ITPR3: variants seen among roughly 807,000 people sequenced by gnomAD.
ITPR3 encodes the protein inositol 1,4,5-trisphosphate-gated calcium channel ITPR3.
ITPR3 carries 173 observed loss-of-function variants against 293.2 expected under a neutral mutation model. The observed-to-expected ratio is 0.59, with a 90% CI of 0.52 to 0.67. The LOEUF (loss-of-function observed/expected upper bound fraction) is 0.67. Among genes scored for constraint, ITPR3 ranks in the 30% least tolerant of loss-of-function variants. The probability of loss-of-function intolerance (pLI) is 0.00; values close to 1 mark genes in which losing one functional copy is unlikely to be tolerated. For synonymous variants in ITPR3, 1,295 were observed against 1,444.4 expected (o/e 0.90, Z 2.35); for missense variants, 2,796 against 3,592.1 (o/e 0.78, Z 5.66).
chr6:33,695,116 C>G (rs758949066), intron 57 of ITPR3, 31 bp downstream of exon 57: 2 of 1,610,240 alleles, frequency 1.2e-6, no homozygotes, highest in Non-Finnish European at 1.7e-6. Flanking sequence ...CAGGCCCACC[C>G]TGGGTTCTAT....
rs559124554 is a variant in ITPR3, at chr6:33,642,346, G to A, written c.160+1792G>A. On this transcript the variant is annotated intron_variant, in intron 2 of 57. Transcript: ENST00000605930. Reference sequence around the variant, plus strand: ...TGGGAGGGCGTTGAGGCTGCAGATGGAGGCTAGATTGCCATCTAGTAGGAG... The same window carrying A: ...TGGGAGGGCGTTGAGGCTGCAGATGAAGGCTAGATTGCCATCTAGTAGGAG... Among the ~76,000 whole-genome samples, 613 of 152,282 alleles carry A rather than the reference G, an allele frequency of 4.0e-3. 2 individuals are homozygous for A. The highest frequency in any genetic ancestry group is 0.017 in the Middle Eastern group (5 of 294).
intron 28 of ITPR3, 91 bp downstream of exon 28, chr6:33,677,720 T>A: frequency 6.7e-7 from 1 of 1,483,348 alleles, no homozygotes; most frequent in Non-Finnish European, 9.1e-7. Context: ...GCAGGCAACC[T>A]CTCCCAGCCT....
rs1337795533 is a variant in ITPR3, at chr6:33,670,583, G to A, written c.2441+7G>A. The A allele has an allele frequency of 3.7e-6, 6 of 1,612,848 alleles. No individual in the cohort carries two copies. Among genetic ancestry groups the A allele is most frequent in the East Asian group, 2.2e-5 (1 of 44,854 alleles). On this transcript the variant is annotated splice_region_variant and intron_variant, in intron 19 of 57. Coordinates refer to ENST00000605930, the MANE Select transcript of ITPR3 (RefSeq NM_002224.4). The surrounding 1 kb of genome is among the most constrained non-coding windows in gnomAD (Gnocchi z 6.7). ...CAGCCATCACCATCAAGGAGTGAGA[G>A]GGGTGGAGGCAGGGTGGGCGGGGCA... is the stretch of plus-strand genomic sequence containing the variant.
rs576730602 is a variant in ITPR3 at position 33,670,888 on chromosome 6, C to T, written c.2586+73C>T. 6.4e-7 allele frequency: 1 copy of T among 1,553,036 alleles called. No individual in the cohort carries two copies. The highest frequency in any genetic ancestry group is 1.8e-5 in the Admixed American group (1 of 56,904). On this transcript the variant is annotated intron_variant, in intron 20 of 57. Transcript: ENST00000605930. The surrounding 1 kb of genome is among the most constrained non-coding windows in gnomAD (Gnocchi z 6.7). ...GGCCCCACACTGGCCTCGGTCTTCA[C>T]CCAGGAGTCGGCTGTGGGATCCATG... is the stretch of plus-strand genomic sequence containing the variant.
Position 33,673,731 on chromosome 6 carries a change from G to A in ITPR3, c.3058+11G>A, listed in dbSNP as rs778603456. The A allele has an allele frequency of 5.6e-6, 9 of 1,613,792 alleles. No individual in the cohort carries two copies. The highest frequency in any genetic ancestry group is 7.6e-6 in the Non-Finnish European group (9 of 1,179,826). On this transcript the variant is annotated intron_variant, in intron 23 of 57. Transcript: ENST00000605930. ...CCTTCGACTCTACCAGTAAGCCCCT[G>A]CCCTGCCTTCAGGCTGAGGCTGTGC...
At position 33,684,078 on chromosome 6, in the gene ITPR3, T is replaced by C. The variant is rs1445282350; in HGVS notation, c.4847T>C (p.Val1616Ala). ...CCCCTGGTACAGGCTGAGCTGTCCG[T>C]GCTGGTGGATGTCCTGCACTGGCCT... ...LKPLVQAELS[V>A]LVDVLHWPEL... is the part of the protein sequence containing the mutation. The change falls in exon 36 of 58, where the codon GTG (valine) becomes GCG (alanine). Residue 1616 changes from valine (V) to alanine (A), a missense_variant. Around this residue, in one of 8 missense-constraint regions of ITPR3, gnomAD observed 704 missense variants for 797.5 expected, o/e 0.88. Transcript: ENST00000605930. This position sits in a 1 kb window ranked among gnomAD's most constrained non-coding sequence, Gnocchi z 4.2. The C allele has an allele frequency of 1.9e-6, 3 of 1,611,598 alleles. No homozygotes were observed. Among genetic ancestry groups the C allele is most frequent in the African/African-American group, 1.3e-5 (1 of 74,854 alleles).
intron 18 of ITPR3, among the ~76,000 whole-genome samples, chr6:33,669,724 G>T (rs915615120): frequency 1.3e-5 from 2 of 152,198 alleles, no homozygotes; most frequent in South Asian, 4.1e-4. Context: ...CCTTGTTGTA[G>T]CTACTATAGT....
chr6:33,621,778 C>A lies in ITPR3; in HGVS notation c.89+87C>A. The A allele has an allele frequency of 1.0e-6, 1 of 973,230 alleles. No individual in the cohort carries two copies. Among genetic ancestry groups the A allele is most frequent in the Non-Finnish European group, 1.6e-6 (1 of 629,718 alleles). The allele number at this position is 973,230 out of a possible 1,614,324, so 60.3% of individuals were successfully genotyped here. On this transcript the variant is annotated intron_variant, in intron 1 of 57. Coordinates refer to ENST00000605930, the MANE Select transcript of ITPR3 (RefSeq NM_002224.4). The surrounding 1 kb of genome is among the most constrained non-coding windows in gnomAD (Gnocchi z 7.7). ...AGCTGCGTGCGTCCAGCCGCCGCCCCCCGATAGAGGCCTGGACGTCCCCCT... is the reference window on the plus strand; with the variant it reads ...AGCTGCGTGCGTCCAGCCGCCGCCCACCGATAGAGGCCTGGACGTCCCCCT...
chr6:33,670,897 C>G lies in ITPR3; in HGVS notation c.2586+82C>G. 6.5e-7 allele frequency: 1 copy of G among 1,526,732 alleles called. No individual in the cohort carries two copies. Among genetic ancestry groups the G allele is most frequent in the Non-Finnish European group, 8.9e-7 (1 of 1,127,496 alleles). The allele number at this position is 1,526,732 out of a possible 1,614,324, so 94.6% of individuals were successfully genotyped here. Reference sequence around the variant, plus strand: ...CTGGCCTCGGTCTTCACCCAGGAGTCGGCTGTGGGATCCATGACCCCACTT... The same window carrying G: ...CTGGCCTCGGTCTTCACCCAGGAGTGGGCTGTGGGATCCATGACCCCACTT... On this transcript the variant is annotated intron_variant, in intron 20 of 57. Coordinates refer to ENST00000605930, the MANE Select transcript of ITPR3 (RefSeq NM_002224.4). This position sits in a 1 kb window ranked among gnomAD's most constrained non-coding sequence, Gnocchi z 6.7.
In ITPR3 at chr6:33,673,919, G is replaced by A. The variant is rs964513675; in HGVS notation, c.3058+199G>A. On this transcript the variant is annotated intron_variant, in intron 23 of 57. Coordinates refer to ENST00000605930, the MANE Select transcript of ITPR3 (RefSeq NM_002224.4). ...TCGTTTTCCAAATGGGGAAACTGAG[G>A]CTCACAGAACAGCAGGGACTTGCTC... 4.6e-5 allele frequency among the ~76,000 whole-genome samples: 7 copies of A among 152,370 alleles called. No individual in the cohort carries two copies. In the South Asian group the frequency reaches 6.2e-4, roughly 14 times the overall value.
chr6:33,689,866 C>A (rs977254913), intron 50 of ITPR3, among the ~76,000 whole-genome samples, 168 bp from the exon 51 acceptor site: 2 of 152,178 alleles, frequency 1.3e-5, no homozygotes, highest in African/African-American at 2.4e-5. Context: ...AACTGAGGAC[C>A]CAAGGGGCTG....
intron 7 of ITPR3, among the ~76,000 whole-genome samples, chr6:33,659,909 C>T (rs1764418393): frequency 6.6e-6 from 1 of 152,212 alleles, no homozygotes; most frequent in African/African-American, 2.4e-5. Flanking sequence ...CAGGCCCCCG[C>T]CCCTTGCCCT....
At chr6:33,634,072 A>G (rs975589833) in intron 1 of ITPR3, among the ~76,000 whole-genome samples, 8 of 152,042 alleles carry the variant, frequency 5.3e-5, no homozygotes, top group African/African-American at 1.9e-4. Flanking sequence ...TTATCTGTTA[A>G]TGACTTCACG....
chr6:33,661,698 AAGAGCAG>A (rs1233300581), intron 7 of ITPR3, among the ~76,000 whole-genome samples: 5 of 152,156 alleles, frequency 3.3e-5, no homozygotes, highest in African/African-American at 1.2e-4. Context: ...CACAGCTTTT[AAGAGCAG>A]AGACAGAGGC....
At position 33,682,174 on chromosome 6, in the gene ITPR3, G is replaced by A. The variant is rs11758817; in HGVS notation, c.4477-350G>A. On this transcript the variant is annotated intron_variant, in intron 33 of 57. Coordinates refer to ENST00000605930, the MANE Select transcript of ITPR3 (RefSeq NM_002224.4). The surrounding 1 kb of genome is among the most constrained non-coding windows in gnomAD (Gnocchi z 5.4). Reference sequence around the variant, plus strand: ...TGACATTACACGTGTGAGCCACTGCGCCCAGCCTCAAAGTGTTATCTTTTA... The same window carrying A: ...TGACATTACACGTGTGAGCCACTGCACCCAGCCTCAAAGTGTTATCTTTTA... Among the ~76,000 whole-genome samples the A allele has an allele frequency of 1.3e-5, 2 of 152,160 alleles. No individual in the cohort carries two copies. The highest frequency in any genetic ancestry group is 2.9e-5 in the Non-Finnish European group (2 of 68,040).
In ITPR3 at chr6:33,686,061, G is replaced by A; in HGVS notation, c.5676G>A (p.Leu1892=). 6.2e-7 allele frequency: 1 copy of A among 1,614,092 alleles called. No homozygotes were observed. Among genetic ancestry groups the A allele is most frequent in the Non-Finnish European group, 8.5e-7 (1 of 1,180,054 alleles). ...CCTTCTGTGCCCCGCAGAACTTCCT[G>A]CGCTGTCAGAACAACAAAACCAACT... is the stretch of plus-strand genomic sequence containing the variant. ...ENHNRDLQNF[L]RCQNNKTNYN... Residue 1892 remains leucine, a synonymous_variant, in exon 42 of 58, where the codon CTG becomes CTA. Transcript: ENST00000605930.
At chr6:33,668,144 A>G (rs1224333349) in intron 16 of ITPR3, among the ~76,000 whole-genome samples, 180 bp downstream of exon 16, 3 of 152,118 alleles carry the variant, frequency 2.0e-5, no homozygotes, top group Non-Finnish European at 2.9e-5. Flanking sequence ...GGATCCCCTA[A>G]AATTTGGCCC....
chr6:33,671,014 T>G, intron 20 of ITPR3, 151 bp from the exon 21 acceptor site: 1 of 1,374,514 alleles, frequency 7.3e-7, no homozygotes. Context: ...GGGAAAGGGC[T>G]GCCTCTCCCT....
chr6:33,623,025 A>G (rs1763473389), intron 1 of ITPR3, among the ~76,000 whole-genome samples: 1 of 152,136 alleles, frequency 6.6e-6, no homozygotes, highest in Non-Finnish European at 1.5e-5. Context: ...AGCTCCCTAG[A>G]GGATGGGGGT....
Sources: allele counts gnomAD v4.1 joint callset (sites outside exome capture counted in the v4.1 genomes callset), GRCh38; gene constraint gnomAD v4.1.1; regional missense constraint gnomAD v4.1.1; non-coding constraint Gnocchi (gnomAD v3.1); transcripts MANE v1.5; gene names NCBI Gene and HGNC (gene_info 2026-07-23, HGNC 2026-07-21).